The following PCDHGB7 variants were observed in gnomAD, a reference collection of about 807,000 sequenced individuals.
PCDHGB7 encodes protocadherin gamma subfamily B, 7, also known as protocadherin gamma-B7.
PCDHGB7 carries 37 observed loss-of-function variants against 61.4 expected under a neutral mutation model. The observed-to-expected ratio is 0.60, with a 90% CI of 0.46 to 0.79. PCDHGB7 has a LOEUF of 0.79. PCDHGB7 is among the 30% of genes least tolerant of loss of function. PCDHGB7 has a pLI of 0.00. For synonymous variants in PCDHGB7, 464 were observed against 503.5 expected (o/e 0.92, Z 1.05); for missense variants, 1,166 against 1,202.5 (o/e 0.97, Z 0.45).
At position 141,431,942 on chromosome 5, in the gene PCDHGB7, G is replaced by A. The variant is rs1284808063; in HGVS notation, c.2415+11668G>A. 6.2e-7 allele frequency: 1 copy of A among 1,614,116 alleles called. No homozygotes were observed. The highest frequency in any genetic ancestry group is 2.2e-5 in the East Asian group (1 of 44,884). ...CCAAGGAAATCTGCCCTTTAAATTA[G>A]AAAAATCTTACGGAAATTACTATAG... On this transcript the variant is annotated intron_variant, in intron 1 of 3. Transcript: ENST00000398594. The surrounding 1 kb of genome is among the most constrained non-coding windows in gnomAD (Gnocchi z 4.8).
In PCDHGB7 at chr5:141,486,047, C is replaced by T. The variant is rs763394605; in HGVS notation, c.2416-8760C>T. Reference sequence around the variant, plus strand: ...TCATACCCCTGATCGTGTAAGAAACCTCTTTAGCCTGCACCCCACTACTGG... The same window carrying T: ...TCATACCCCTGATCGTGTAAGAAACTTCTTTAGCCTGCACCCCACTACTGG... On this transcript the variant is annotated intron_variant, in intron 1 of 3. Transcript: ENST00000398594. The surrounding 1 kb of genome is among the most constrained non-coding windows in gnomAD (Gnocchi z 5.0). 2.5e-6 allele frequency: 4 copies of T among 1,614,054 alleles called. No individual in the cohort carries two copies. The African/African-American group carries it at 5.3e-5, about 22-fold the overall frequency.
At chr5:141,509,015 C>G (rs1370464396) in intron 3 of PCDHGB7, among the ~76,000 whole-genome samples, 2 of 152,098 alleles carry the variant, frequency 1.3e-5, no homozygotes, top group African/African-American at 4.8e-5. Context: ...AAGTGGGCAG[C>G]TGCTCCCTCC....
chr5:141,487,256 G>A lies in PCDHGB7; in HGVS notation c.2416-7551G>A. ...ATCTCGTCTAACCCTCTACTTGGCTGTGTCCCTAGTGGCAATTTGCTTTGT... is the reference window on the plus strand; with the variant it reads ...ATCTCGTCTAACCCTCTACTTGGCTATGTCCCTAGTGGCAATTTGCTTTGT... On this transcript the variant is annotated intron_variant, in intron 1 of 3. Transcript: ENST00000398594. The surrounding 1 kb of genome is among the most constrained non-coding windows in gnomAD (Gnocchi z 5.0). The A allele has an allele frequency of 6.2e-7, 1 of 1,614,166 alleles. No individual in the cohort carries two copies. The highest frequency in any genetic ancestry group is 8.5e-7 in the Non-Finnish European group (1 of 1,180,032).
intron 1 of PCDHGB7, among the ~76,000 whole-genome samples, chr5:141,433,513 C>T (rs2097615953): frequency 6.6e-6 from 1 of 152,066 alleles, no homozygotes; most frequent in Non-Finnish European, 1.5e-5. Flanking sequence ...GGATTACAGG[C>T]GTGAACCACA....
chr5:141,421,395 G>A (rs2096569109), intron 1 of PCDHGB7: 1 of 1,613,950 alleles, frequency 6.2e-7, no homozygotes, highest in Admixed American at 1.7e-5. Flanking sequence ...TGGGGCTGGA[G>A]CCCCGGGAGC....
At chr5:141,422,074 C>A (rs886758924) in intron 1 of PCDHGB7, 1 of 1,612,264 alleles carries the variant, frequency 6.2e-7, no homozygotes, top group African/African-American at 1.3e-5. Flanking sequence ...GTATTCATTT[C>A]GGAACATGGA....
intron 1 of PCDHGB7, among the ~76,000 whole-genome samples, chr5:141,450,830 T>A (rs923422605): frequency 3.0e-5 from 3 of 101,548 alleles, no homozygotes; most frequent in African/African-American, 1.3e-4. Context: ...ATTATTATTA[T>A]TTTTTTTTTT....
Position 141,432,075 on chromosome 5 carries a change from C to T in PCDHGB7, c.2415+11801C>T. On this transcript the variant is annotated intron_variant, in intron 1 of 3. Transcript: ENST00000398594. The surrounding 1 kb of genome is among the most constrained non-coding windows in gnomAD (Gnocchi z 6.0). ...CCCCTATCCACGGAAACTCATATCT[C>T]GCTGAACGTGGCAGACACCAACGAC... 3 of 1,614,204 alleles carry T rather than the reference C, an allele frequency of 1.9e-6. No homozygotes were observed. Among genetic ancestry groups the T allele is most frequent in the Non-Finnish European group, 2.5e-6 (3 of 1,180,046 alleles).
At chr5:141,448,114 A>G (rs1483138819) in intron 1 of PCDHGB7, among the ~76,000 whole-genome samples, 1 of 151,948 alleles carries the variant, frequency 6.6e-6, no homozygotes, top group Non-Finnish European at 1.5e-5. Flanking sequence ...AGAAAAGAAA[A>G]TTAGCCTCCC....
chr5:141,504,130 C>T (rs1334901812), intron 2 of PCDHGB7, among the ~76,000 whole-genome samples: 1 of 152,154 alleles, frequency 6.6e-6, no homozygotes, highest in African/African-American at 2.4e-5. Flanking sequence ...TGTTTCCCGC[C>T]AACACTCCCC....
intron 1 of PCDHGB7, among the ~76,000 whole-genome samples, chr5:141,449,674 TA>T (rs2154562752): frequency 6.6e-6 from 1 of 151,604 alleles, no homozygotes; most frequent in African/African-American, 2.4e-5. Context: ...AGTGTGTATG[TA>T]TATATGTTTG....
chr5:141,435,603 T>C (rs1195458514), intron 1 of PCDHGB7, among the ~76,000 whole-genome samples: 1 of 152,218 alleles, frequency 6.6e-6, no homozygotes, highest in African/African-American at 2.4e-5. Flanking sequence ...GCCTGCTTTT[T>C]ACATTAAATT....
intron 1 of PCDHGB7, among the ~76,000 whole-genome samples, chr5:141,469,108 C>A (rs923728484): frequency 4.0e-5 from 6 of 151,768 alleles, no homozygotes; most frequent in Non-Finnish European, 5.9e-5. Context: ...AAGAACCTGT[C>A]TCTAAAAAAA....
At chr5:141,474,117 A>C (rs748431734) in intron 1 of PCDHGB7, among the ~76,000 whole-genome samples, 11 of 152,186 alleles carry the variant, frequency 7.2e-5, no homozygotes, top group Non-Finnish European at 1.2e-4. Context: ...ACAACAACGA[A>C]AATCTCAGAA....
At position 141,512,815 on chromosome 5, in the gene PCDHGB7, A is replaced by AC. The variant is rs1215322144; in HGVS notation, c.*1647dup. ...TGTGCTGTGTCCACGCGCTAAGGCG[A>AC]CCCCCTCCCCCGTACTGACTTCTCC... is the stretch of plus-strand genomic sequence containing the variant. On this transcript the variant is annotated 3_prime_UTR_variant, in exon 4 of 4. Coordinates refer to ENST00000398594, the MANE Select transcript of PCDHGB7 (RefSeq NM_018927.4). The AC allele has an allele frequency of 6.7e-6, 1 of 149,682 alleles. No homozygotes were observed. The highest frequency in any genetic ancestry group is 1.5e-5 in the Non-Finnish European group (1 of 67,474). 9.3% of individuals were successfully genotyped at this position (149,682 alleles called of 1,614,324 possible).
chr5:141,449,774 A>G (rs541830970), intron 1 of PCDHGB7, among the ~76,000 whole-genome samples: 2 of 151,714 alleles, frequency 1.3e-5, no homozygotes, highest in African/African-American at 4.8e-5. Flanking sequence ...AAGTTGTAGA[A>G]ATTATGTTTC....
chr5:141,439,333 G>A (rs964224344), intron 1 of PCDHGB7, among the ~76,000 whole-genome samples: 1 of 152,154 alleles, frequency 6.6e-6, no homozygotes, highest in Non-Finnish European at 1.5e-5. Flanking sequence ...TGGAAAGAAA[G>A]ATTCTAAGCC....
At chr5:141,433,612 G>A (rs1181458593) in intron 1 of PCDHGB7, among the ~76,000 whole-genome samples, 1 of 152,082 alleles carries the variant, frequency 6.6e-6, no homozygotes, top group Non-Finnish European at 1.5e-5. Context: ...GAGGCGGGTG[G>A]ATCACCTGAG....
At chr5:141,446,390 G>A (rs2098500089) in intron 1 of PCDHGB7, among the ~76,000 whole-genome samples, 1 of 152,284 alleles carries the variant, frequency 6.6e-6, no homozygotes, top group African/African-American at 2.4e-5. Context: ...ATAGATTTAA[G>A]AGAAATCGAG....
Sources: gnomAD v4.1 joint callset for allele counts (sites outside exome capture counted in the v4.1 genomes callset) on GRCh38, gnomAD v4.1.1 for gene constraint, Gnocchi (gnomAD v3.1) non-coding constraint, MANE v1.5 for transcripts, NCBI Gene and HGNC (gene_info 2026-07-23, HGNC 2026-07-21) for gene names.